Variants in PSD3 observed in about 807,000 individuals in gnomAD.
PSD3 encodes PH and SEC7 domain-containing protein 3.
PSD3 carries 49 observed loss-of-function variants against 105.5 expected under a neutral mutation model. That is an observed-to-expected ratio of 0.46 (90% CI 0.37 to 0.59). The LOEUF (loss-of-function observed/expected upper bound fraction) is 0.59. Ranked by LOEUF, PSD3 falls within the 20% of genes least tolerant of loss-of-function variation. The probability of loss-of-function intolerance (pLI) is 0.00; values close to 1 mark genes in which losing one functional copy is unlikely to be tolerated. For synonymous variants in PSD3, 557 were observed against 457.8 expected (o/e 1.22, Z -2.77); for missense variants, 1,561 against 1,263.8 (o/e 1.24, Z -3.57).
At chr8:18,714,389 T>A (rs1300415890) in intron 9 of PSD3, among the ~76,000 whole-genome samples, 6 of 148,908 alleles carry the variant, frequency 4.0e-5, no homozygotes, top group African/African-American at 1.5e-4. Flanking sequence ...TTGACAAAGG[T>A]CTGATATCCA....
intron 10 of PSD3, among the ~76,000 whole-genome samples, chr8:18,640,478 G>A (rs1458720761): frequency 6.6e-6 from 1 of 152,084 alleles, no homozygotes; most frequent in South Asian, 2.1e-4. Flanking sequence ...GGCTACTCGT[G>A]TGATATTAAG....
At chr8:19,021,769 T>A (rs1827371612) in intron 1 of PSD3, among the ~76,000 whole-genome samples, 1 of 152,220 alleles carries the variant, frequency 6.6e-6, no homozygotes, top group Admixed American at 6.5e-5. Context: ...GTAGGTCCTC[T>A]AAGCATAGTG....
chr8:18,555,875 G>T (rs1370595578), intron 15 of PSD3, among the ~76,000 whole-genome samples: 5 of 152,162 alleles, frequency 3.3e-5, no homozygotes, highest in Non-Finnish European at 5.9e-5. Context: ...AATTCTGCCG[G>T]AAGAGACACA....
At chr8:18,748,677 AAAAG>A (rs1429333884) in intron 9 of PSD3, among the ~76,000 whole-genome samples, 44 of 152,166 alleles carry the variant, frequency 2.9e-4, no homozygotes, top group African/African-American at 9.6e-4. Context: ...AAAAAAAAAA[AAAAG>A]ATTTTTCCTT....
rs1374611337 is a variant in PSD3 at position 18,919,803 on chromosome 8, G to C, written c.130+16231C>G. On this transcript the variant is annotated intron_variant, in intron 2 of 15. Coordinates refer to ENST00000327040, the MANE Select transcript of PSD3 (RefSeq NM_015310.4). ...CTCATAGATGGGAATTGAACAATGA[G>C]ATCACATGGACACAGGAAGGGGAAC... Among the ~76,000 whole-genome samples, 11 of 137,302 alleles carry C rather than the reference G, an allele frequency of 8.0e-5. No homozygotes were observed. The South Asian group carries it at 1.6e-3, about 20-fold the overall frequency. The allele number at this position is 137,302 out of a possible 152,430, so 90.1% of individuals were successfully genotyped here. A position where few individuals can be genotyped will look rare whatever the true frequency, so the allele number is the denominator to read the frequency against.
At chr8:18,752,785 G>A (rs1805718981) in intron 9 of PSD3, among the ~76,000 whole-genome samples, 1 of 146,270 alleles carries the variant, frequency 6.8e-6, no homozygotes, top group South Asian at 2.1e-4. Context: ...ATACGATTTT[G>A]AGTATACATA....
chr8:18,843,725 A>C (rs1053846095), intron 4 of PSD3, among the ~76,000 whole-genome samples: 2 of 152,154 alleles, frequency 1.3e-5, no homozygotes, highest in African/African-American at 4.8e-5. Context: ...TAATATCAAA[A>C]GCATGGTAAA....
At chr8:18,655,780 A>G in intron 9 of PSD3, 95 bp from the exon 10 acceptor site, 6 of 1,199,502 alleles carry the variant, frequency 5.0e-6, no homozygotes, top group Non-Finnish European at 6.1e-6. Context: ...ATAAAAGGAT[A>G]GGCACGAAGC....
At chr8:18,774,860 T>A in intron 8 of PSD3, 1 of 456,178 alleles carries the variant, frequency 2.2e-6, no homozygotes, top group Non-Finnish European at 4.4e-6. Context: ...GTTGTCCAGC[T>A]GTCTTAGCAG....
rs943856344 is a variant in PSD3 at position 18,966,833 on chromosome 8, T to C, written c.22-30691A>G. Among the ~76,000 whole-genome samples, 4 of 152,148 alleles carry C rather than the reference T, an allele frequency of 2.6e-5. No homozygotes were observed. In the South Asian group the frequency reaches 6.2e-4, roughly 24 times the overall value. ...TATATTTTTAAATGAAATGCAAAAT[T>C]GGCATAAAATTTTCAAATTAGTCTT... On this transcript the variant is annotated intron_variant, in intron 1 of 15. Coordinates refer to ENST00000327040, the MANE Select transcript of PSD3 (RefSeq NM_015310.4).
At chr8:18,551,168 T>C (rs962912571) in intron 15 of PSD3, among the ~76,000 whole-genome samples, 6 of 152,286 alleles carry the variant, frequency 3.9e-5, no homozygotes, top group African/African-American at 1.4e-4. Flanking sequence ...ACCTAGATAA[T>C]GGCCCCTACT....
At chr8:18,879,428 G>C (rs1817974647) in intron 2 of PSD3, among the ~76,000 whole-genome samples, 1 of 152,152 alleles carries the variant, frequency 6.6e-6, no homozygotes, top group African/African-American at 2.4e-5. Flanking sequence ...CAAATGTTCT[G>C]AGAGGCGAAA....
chr8:18,593,126 A>T (rs1220550031), intron 12 of PSD3, among the ~76,000 whole-genome samples: 1 of 152,212 alleles, frequency 6.6e-6, no homozygotes, highest in East Asian at 1.9e-4. Context: ...GACAAATGGG[A>T]TCTAATTAAA....
intron 8 of PSD3, among the ~76,000 whole-genome samples, chr8:18,772,931 T>G (rs1006295540): frequency 3.9e-5 from 6 of 152,250 alleles, no homozygotes; most frequent in African/African-American, 1.4e-4. Context: ...AGTCCGATAT[T>G]AACTCCTTAT....
At chr8:18,823,095 C>T (rs1185877978) in intron 4 of PSD3, among the ~76,000 whole-genome samples, 1 of 41,564 alleles carries the variant, frequency 2.4e-5, no homozygotes, top group Non-Finnish European at 6.1e-5. Flanking sequence ...AATGGAGAGA[C>T]AGGAAAAAAA....
chr8:18,635,736 G>T (rs1399707768), intron 10 of PSD3, among the ~76,000 whole-genome samples: 1 of 152,090 alleles, frequency 6.6e-6, no homozygotes, highest in African/African-American at 2.4e-5. Context: ...CCTTTGCAGG[G>T]ACATGGATGA....
chr8:18,535,893 A>T lies in PSD3; in HGVS notation c.2994T>A (p.Asp998Glu). Reference protein sequence around the residue: ...KEGGKELLSNDESEAAGLKKS... With the variant: ...KEGGKELLSNEESEAAGLKKS... ...TCTTCAGTCCTGCAGCCTCGCTTTCATCGTTACTCAGTAGCTCTTTGCCTC... is the reference window on the plus strand; with the variant it reads ...TCTTCAGTCCTGCAGCCTCGCTTTCTTCGTTACTCAGTAGCTCTTTGCCTC... Residue 998 changes from aspartate (D) to glutamate (E), a missense_variant, in exon 16 of 16, where the codon GAT (aspartate) becomes GAA (glutamate). Transcript: ENST00000327040. The T allele has an allele frequency of 1.2e-6, 2 of 1,614,202 alleles. No individual in the cohort carries two copies. The highest frequency in any genetic ancestry group is 1.7e-6 in the Non-Finnish European group (2 of 1,180,026).
chr8:18,817,343 C>T (rs1586112751), intron 4 of PSD3, among the ~76,000 whole-genome samples: 1 of 152,192 alleles, frequency 6.6e-6, no homozygotes, highest in East Asian at 1.9e-4. Context: ...CCATGACCAT[C>T]ACATCATCTA....
chr8:18,567,128 A>AT (rs2130274627), intron 14 of PSD3, among the ~76,000 whole-genome samples: 1 of 152,332 alleles, frequency 6.6e-6, no homozygotes, highest in East Asian at 1.9e-4. Context: ...TGACATGCTT[A>AT]TTATCAGCCC....
Sources: gnomAD v4.1 joint callset for allele counts (sites outside exome capture counted in the v4.1 genomes callset) on GRCh38, gnomAD v4.1.1 for gene constraint, MANE v1.5 for transcripts, NCBI Gene and HGNC (gene_info 2026-07-23, HGNC 2026-07-21) for gene names.